Variants in CA10 observed in about 807,000 individuals in gnomAD.
CA10 encodes carbonic anhydrase 10 (inactive).
Under a neutral mutation model 44.2 loss-of-function variants are expected in CA10, and 14 were observed. That is an observed-to-expected ratio of 0.32 (90% confidence interval 0.21 to 0.50). CA10 has a LOEUF of 0.50. Ranked by LOEUF, CA10 falls within the 20% of genes least tolerant of loss-of-function variation. The pLI, the probability that CA10 is intolerant of heterozygous loss-of-function variation, is 0.99. For missense variants in CA10, 350 were observed against 409.7 expected (o/e 0.85, Z 1.26); for synonymous variants, 159 against 141.6 (o/e 1.12, Z -0.87).
At chr17:52,133,899 C>T (rs908965809) in intron 1 of CA10, among the ~76,000 whole-genome samples, 5 of 152,026 alleles carry the variant, frequency 3.3e-5, no homozygotes, top group African/African-American at 1.2e-4. Flanking sequence ...AAGAAGGAAC[C>T]AAGGAGGGAA....
chr17:51,732,675 T>G (rs1435038887), intron 4 of CA10, among the ~76,000 whole-genome samples: 1 of 152,092 alleles, frequency 6.6e-6, no homozygotes, highest in Non-Finnish European at 1.5e-5. Flanking sequence ...GATAGCTGAT[T>G]GGGTCAGAGA....
intron 3 of CA10, among the ~76,000 whole-genome samples, chr17:51,812,305 T>G (rs1907401988): frequency 6.6e-6 from 1 of 152,220 alleles, no homozygotes; most frequent in Non-Finnish European, 1.5e-5. Context: ...ATTTTACGTT[T>G]TTTTCTGGAG....
intron 4 of CA10, among the ~76,000 whole-genome samples, chr17:51,714,354 C>T (rs554220702): frequency 8.1e-4 from 124 of 152,306 alleles, no homozygotes; most frequent in African/African-American, 2.9e-3. Context: ...ATCCTTTCAC[C>T]TTTGTCACCT....
chr17:51,780,677 G>C (rs1163854139), intron 3 of CA10, among the ~76,000 whole-genome samples: 2 of 152,194 alleles, frequency 1.3e-5, no homozygotes, highest in Non-Finnish European at 2.9e-5. Flanking sequence ...CAACTCAAGA[G>C]AGAAAGTGAC....
intron 3 of CA10, among the ~76,000 whole-genome samples, chr17:51,924,158 T>C (rs1216645915): frequency 1.3e-5 from 2 of 152,060 alleles, no homozygotes; most frequent in Non-Finnish European, 2.9e-5. Context: ...ATTTAAGAGA[T>C]AGTATTGGAG....
At chr17:52,092,293 T>C (rs1031007547) in intron 1 of CA10, among the ~76,000 whole-genome samples, 4 of 152,192 alleles carry the variant, frequency 2.6e-5, no homozygotes, top group Non-Finnish European at 4.4e-5. Context: ...CTATGTTACT[T>C]TATATACACT....
intron 2 of CA10, among the ~76,000 whole-genome samples, chr17:51,960,399 A>G (rs1322733215): frequency 1.3e-5 from 2 of 152,080 alleles, no homozygotes; most frequent in African/African-American, 2.4e-5. Flanking sequence ...CAGATTTGGG[A>G]GGCTGAGAAA....
chr17:52,116,120 T>G (rs1988890383), intron 1 of CA10, among the ~76,000 whole-genome samples: 1 of 152,018 alleles, frequency 6.6e-6, no homozygotes, highest in African/African-American at 2.4e-5. Context: ...CTCTCCCTGT[T>G]GGAGAAACCC....
chr17:51,799,801 C>T (rs900865320), intron 3 of CA10, among the ~76,000 whole-genome samples: 4 of 152,114 alleles, frequency 2.6e-5, no homozygotes, highest in South Asian at 2.1e-4. Context: ...GCAAGTTAAA[C>T]CCACAGTGAG....
chr17:51,863,942 T>G (rs1979429135), intron 3 of CA10, among the ~76,000 whole-genome samples: 1 of 152,238 alleles, frequency 6.6e-6, no homozygotes, highest in Non-Finnish European at 1.5e-5. Context: ...ACTGATTGAC[T>G]GAATCATTGG....
chr17:51,949,069 T>C (rs1229408313), intron 2 of CA10, among the ~76,000 whole-genome samples: 6 of 152,190 alleles, frequency 3.9e-5, no homozygotes, highest in Non-Finnish European at 8.8e-5. Context: ...ATGATCTCTA[T>C]GAGAATACTT....
chr17:52,019,351 A>T (rs1986065673), intron 2 of CA10, among the ~76,000 whole-genome samples: 1 of 152,110 alleles, frequency 6.6e-6, no homozygotes, highest in African/African-American at 2.4e-5. Context: ...ATTTACATTA[A>T]TTTGTACATT....
At position 51,785,139 on chromosome 17, in the gene CA10, T is replaced by C. The variant is rs1906217920; in HGVS notation, c.280-37321A>G. Among the ~76,000 whole-genome samples the C allele has an allele frequency of 2.0e-5, 3 of 152,214 alleles. No homozygotes were observed. In the South Asian group the frequency reaches 6.2e-4, roughly 32 times the overall value. ...TTTTTTATGGCTGAATAGCACTCCA[T>C]TGTGTATATGTACCACATTTTTTAT... On this transcript the variant is annotated intron_variant, in intron 3 of 8. Transcript: ENST00000451037.
intron 3 of CA10, among the ~76,000 whole-genome samples, chr17:51,881,242 G>A (rs367757453): frequency 0.012 from 1,544 of 123,656 alleles, no homozygotes; most frequent in Non-Finnish European, 0.015. Flanking sequence ...TCCGTCTCAA[G>A]AAAAAAAAAA....
intron 3 of CA10, among the ~76,000 whole-genome samples, chr17:51,838,227 T>C (rs1172169692): frequency 6.6e-6 from 1 of 152,250 alleles, no homozygotes; most frequent in African/African-American, 2.4e-5. Context: ...GAAATCAAGA[T>C]TCCTGGCTCT....
At chr17:51,866,330 A>C (rs940065712) in intron 3 of CA10, among the ~76,000 whole-genome samples, 1 of 152,222 alleles carries the variant, frequency 6.6e-6, no homozygotes, top group Non-Finnish European at 1.5e-5. Flanking sequence ...TGGAGTTCAC[A>C]TAACAGCTTC....
chr17:51,991,174 T>TA (rs1377752579), intron 2 of CA10, among the ~76,000 whole-genome samples: 1 of 152,158 alleles, frequency 6.6e-6, no homozygotes, highest in African/African-American at 2.4e-5. Flanking sequence ...ATGGAAAATG[T>TA]AGTGCAGAGT....
At chr17:51,770,005 G>T (rs1002743977) in intron 3 of CA10, among the ~76,000 whole-genome samples, 1 of 152,064 alleles carries the variant, frequency 6.6e-6, no homozygotes, top group African/African-American at 2.4e-5. Context: ...GGAGGATCTG[G>T]TGTAGAAAGG....
chr17:51,932,086 C>T (rs532273011), intron 2 of CA10, among the ~76,000 whole-genome samples: 6 of 152,130 alleles, frequency 3.9e-5, no homozygotes, highest in East Asian at 1.9e-4. Flanking sequence ...TTTGGCATCA[C>T]GCACTGGGTT....
Sources: gnomAD v4.1 joint callset for allele counts (sites outside exome capture counted in the v4.1 genomes callset) on GRCh38, gnomAD v4.1.1 for gene constraint, MANE v1.5 for transcripts, NCBI Gene and HGNC (gene_info 2026-07-23, HGNC 2026-07-21) for gene names.